Variants in KCNT2 observed in about 807,000 individuals in gnomAD.
The protein encoded by KCNT2 is potassium channel subfamily T member 2.
A neutral mutation model predicts 153.8 loss-of-function variants in KCNT2; 67 were observed. The ratio of observed to expected loss-of-function variants is 0.44; its 90% CI spans 0.36 to 0.53. The LOEUF is 0.53. KCNT2 is among the 20% of genes least tolerant of loss of function. The probability of loss-of-function intolerance (pLI) is 0.00; values close to 1 mark genes in which losing one functional copy is unlikely to be tolerated. For missense variants in KCNT2, 975 were observed against 1,354.8 expected (o/e 0.72, Z 4.40); for synonymous variants, 500 against 458.8 (o/e 1.09, Z -1.15).
chr1:196,279,810 A>G (rs1423286188), intron 25 of KCNT2, among the ~76,000 whole-genome samples: 1 of 152,024 alleles, frequency 6.6e-6, no homozygotes, highest in Non-Finnish European at 1.5e-5. Flanking sequence ...TTCTGCTGGT[A>G]ACTTATATAA....
intron 1 of KCNT2, among the ~76,000 whole-genome samples, chr1:196,547,827 G>T (rs1468880472): frequency 1.3e-5 from 2 of 151,408 alleles, no homozygotes; most frequent in African/African-American, 4.8e-5. Context: ...TTAGAAAATT[G>T]TTAGTAAGAA....
chr1:196,428,376 T>A, intron 9 of KCNT2, 107 bp from the exon 10 acceptor site: 2 of 727,934 alleles, frequency 2.7e-6, no homozygotes, highest in Non-Finnish European at 4.6e-6. Flanking sequence ...TAGATGGAAC[T>A]CATTGAGATT....
chr1:196,509,409 C>A (rs1681425922), intron 1 of KCNT2, among the ~76,000 whole-genome samples: 1 of 151,902 alleles, frequency 6.6e-6, no homozygotes, highest in Non-Finnish European at 1.5e-5. Context: ...AGTTCATAAT[C>A]TATGGTTATA....
chr1:196,593,831 G>GT (rs1663717642), intron 1 of KCNT2, among the ~76,000 whole-genome samples: 2 of 152,046 alleles, frequency 1.3e-5, no homozygotes, highest in South Asian at 4.1e-4. Context: ...AGAACACGTT[G>GT]TTTAGATAAT....
rs769686175 is a variant in KCNT2 at position 196,489,818 on chromosome 1, G to T, written c.275+20C>A. ...AATAATCAAAATAATATTGTTGAAG[G>T]TCAGAAAAAGGTACCTTACCATTCA... On this transcript the variant is annotated intron_variant, in intron 3 of 27. Transcript: ENST00000294725. 3.3e-6 allele frequency: 4 copies of T among 1,213,978 alleles called. No homozygotes were observed. The highest frequency in any genetic ancestry group is 1.3e-5 in the South Asian group (1 of 76,214). 75.2% of individuals were successfully genotyped at this position (1,213,978 alleles called of 1,614,324 possible).
At chr1:196,328,434 GA>G (rs1323834770) in intron 18 of KCNT2, among the ~76,000 whole-genome samples, 7 of 151,932 alleles carry the variant, frequency 4.6e-5, no homozygotes, top group African/African-American at 7.2e-5. Flanking sequence ...AGCTAAGAGA[GA>G]ATCAGAAAGA....
chr1:196,313,956 A>G (rs1177764721), intron 21 of KCNT2, among the ~76,000 whole-genome samples: 3 of 151,654 alleles, frequency 2.0e-5, no homozygotes, highest in African/African-American at 7.3e-5. Flanking sequence ...TCATCCATCC[A>G]TTCATTCATT....
intron 8 of KCNT2, among the ~76,000 whole-genome samples, chr1:196,458,625 CT>C (rs1442863685): frequency 6.6e-6 from 1 of 151,826 alleles, no homozygotes; most frequent in Non-Finnish European, 1.5e-5. Flanking sequence ...TTAAAATGCG[CT>C]TCTTTTAAAA....
chr1:196,282,493 A>G (rs1442331906), intron 23 of KCNT2, 137 bp from the exon 24 acceptor site: 2 of 521,480 alleles, frequency 3.8e-6, no homozygotes, highest in African/African-American at 2.0e-5. Context: ...CCCTCCATAC[A>G]AAAGTAAATT....
chr1:196,256,206 A>G (rs926846737), intron 26 of KCNT2, among the ~76,000 whole-genome samples: 4 of 151,938 alleles, frequency 2.6e-5, no homozygotes, highest in African/African-American at 9.7e-5. Flanking sequence ...AGATTTTCAA[A>G]ATTTACTGAA....
At chr1:196,510,024 C>CA (rs1471606941) in intron 1 of KCNT2, among the ~76,000 whole-genome samples, 1 of 151,830 alleles carries the variant, frequency 6.6e-6, no homozygotes, top group Non-Finnish European at 1.5e-5. Flanking sequence ...GATGAGAAGA[C>CA]ACATGGAAGA....
chr1:196,427,460 A>C (rs942363814), intron 10 of KCNT2, among the ~76,000 whole-genome samples: 1 of 152,074 alleles, frequency 6.6e-6, no homozygotes, highest in Non-Finnish European at 1.5e-5. Context: ...CAACAGACTA[A>C]GTGCAGTAAG....
intron 8 of KCNT2, among the ~76,000 whole-genome samples, chr1:196,462,164 A>T (rs1275112717): frequency 1.3e-5 from 2 of 151,762 alleles, no homozygotes; most frequent in Non-Finnish European, 3.0e-5. Context: ...TTATCTTTAC[A>T]GAACAGTTAC....
At chr1:196,557,339 G>T (rs1658809935) in intron 1 of KCNT2, among the ~76,000 whole-genome samples, 2 of 151,110 alleles carry the variant, frequency 1.3e-5, no homozygotes, top group African/African-American at 2.4e-5. Context: ...TAAAGGGATG[G>T]TACAAAATTC....
chr1:196,336,724 T>A (rs575992527), intron 16 of KCNT2, among the ~76,000 whole-genome samples: 1 of 152,182 alleles, frequency 6.6e-6, no homozygotes, highest in South Asian at 2.1e-4. Flanking sequence ...ATTGCTAAAG[T>A]CAATTGACAC....
intron 1 of KCNT2, among the ~76,000 whole-genome samples, chr1:196,542,978 G>T (rs2148877460): frequency 6.6e-6 from 1 of 152,172 alleles, no homozygotes; most frequent in South Asian, 2.1e-4. Context: ...GAAAACGCTG[G>T]TGGAACATTA....
chr1:196,441,633 A>G (rs955190884), intron 8 of KCNT2, among the ~76,000 whole-genome samples: 14 of 151,634 alleles, frequency 9.2e-5, no homozygotes, highest in Non-Finnish European at 1.9e-4. Context: ...ATTACATTTT[A>G]TCTTCTTTCA....
intron 1 of KCNT2, among the ~76,000 whole-genome samples, chr1:196,519,507 G>C (rs576512691): frequency 6.6e-6 from 1 of 151,558 alleles, no homozygotes; most frequent in Non-Finnish European, 1.5e-5. Context: ...GAATCTGGGG[G>C]TTAATTTTTT....
At chr1:196,514,912 A>C (rs991356618) in intron 1 of KCNT2, among the ~76,000 whole-genome samples, 2 of 152,148 alleles carry the variant, frequency 1.3e-5, no homozygotes, top group Non-Finnish European at 2.9e-5. Flanking sequence ...TAGATCATTA[A>C]TTTTTAGAGA....
Sources: allele counts gnomAD v4.1 joint callset (sites outside exome capture counted in the v4.1 genomes callset), GRCh38; gene constraint gnomAD v4.1.1; transcripts MANE v1.5; gene names NCBI Gene and HGNC (gene_info 2026-07-23, HGNC 2026-07-21).